GPC5: variants seen among roughly 807,000 people sequenced by gnomAD.
GPC5 encodes glypican 5.
A neutral mutation model predicts 53.9 loss-of-function variants in GPC5; 47 were observed. The ratio of observed to expected loss-of-function variants is 0.87; its 90% CI spans 0.69 to 1.11. The LOEUF is 1.11. Ranked by LOEUF, GPC5 falls within the 50% of genes most tolerant of loss-of-function variation. The probability of loss-of-function intolerance (pLI) is 0.00; values close to 1 mark genes in which losing one functional copy is unlikely to be tolerated. For synonymous variants in GPC5, 286 were observed against 263.3 expected (o/e 1.09, Z -0.84); for missense variants, 748 against 713.1 (o/e 1.05, Z -0.56).
chr13:92,326,982 G>A (rs1268070561), intron 7 of GPC5, among the ~76,000 whole-genome samples: 3 of 151,906 alleles, frequency 2.0e-5, no homozygotes, highest in Non-Finnish European at 4.4e-5. Flanking sequence ...CTGCCTTCAC[G>A]TTTTCATCCT....
chr13:91,950,592 T>C lies in GPC5; in HGVS notation c.1401+42535T>C, dbSNP rs183607056. ...TTTTGAGGTTCAGTTTTCTCTTCCT[T>C]AAAGTTAGAATAAAAATACCAAATT... On this transcript the variant is annotated intron_variant, in intron 6 of 7. Coordinates refer to ENST00000377067, the MANE Select transcript of GPC5 (RefSeq NM_004466.6). Among the ~76,000 whole-genome samples, 5 of 152,242 alleles carry C rather than the reference T, an allele frequency of 3.3e-5. No individual in the cohort carries two copies. The East Asian group carries it at 9.7e-4, about 29-fold the overall frequency.
chr13:92,678,320 A>T (rs1887011869), intron 7 of GPC5, among the ~76,000 whole-genome samples: 1 of 152,184 alleles, frequency 6.6e-6, no homozygotes, highest in African/African-American at 2.4e-5. Context: ...TCCCCAAAAC[A>T]CTTACTGATT....
intron 7 of GPC5, among the ~76,000 whole-genome samples, chr13:92,693,941 A>G (rs548639602): frequency 7.9e-4 from 121 of 152,316 alleles, no homozygotes; most frequent in Non-Finnish European, 1.6e-3. Context: ...TTCATGGGTC[A>G]GGCCCAGGGC....
intron 2 of GPC5, among the ~76,000 whole-genome samples, chr13:91,493,860 C>G: frequency 6.6e-6 from 1 of 151,490 alleles, no homozygotes; most frequent in East Asian, 1.9e-4. Flanking sequence ...TTGCCTGTAT[C>G]TGTTATATGC....
chr13:91,696,379 C>A (rs1399811891), intron 3 of GPC5, among the ~76,000 whole-genome samples: 1 of 152,030 alleles, frequency 6.6e-6, no homozygotes, highest in Non-Finnish European at 1.5e-5. Flanking sequence ...CTAAATAAAA[C>A]AACTGAGTCC....
chr13:92,074,279 A>G (rs1321897479), intron 6 of GPC5, among the ~76,000 whole-genome samples: 2 of 152,210 alleles, frequency 1.3e-5, no homozygotes, highest in Non-Finnish European at 2.9e-5. Context: ...TGAAAGTTGG[A>G]TACCACAGCT....
chr13:91,497,232 AC>A (rs1726229291), intron 2 of GPC5, among the ~76,000 whole-genome samples: 1 of 152,112 alleles, frequency 6.6e-6, no homozygotes, highest in South Asian at 2.1e-4. Flanking sequence ...GTCCAAACAA[AC>A]TTGATTTAAA....
chr13:92,386,469 A>C (rs9589533), intron 7 of GPC5, among the ~76,000 whole-genome samples: 7,733 of 152,114 alleles, frequency 0.051, 629 homozygotes, highest in African/African-American at 0.17. Context: ...CAAGTCATGC[A>C]TAAATCTCTA....
intron 7 of GPC5, among the ~76,000 whole-genome samples, chr13:92,399,754 C>T (rs759999048): frequency 3.3e-5 from 5 of 152,158 alleles, no homozygotes; most frequent in Non-Finnish European, 5.9e-5. Flanking sequence ...AAGACTTATT[C>T]GTGTCTATCG....
intron 6 of GPC5, among the ~76,000 whole-genome samples, chr13:92,003,630 G>A (rs1021959593): frequency 2.6e-5 from 4 of 151,834 alleles, no homozygotes; most frequent in South Asian, 2.1e-4. Flanking sequence ...TGTTTTAATC[G>A]GTTCAACTAG....
chr13:92,012,686 T>A (rs1321634918), intron 6 of GPC5, among the ~76,000 whole-genome samples: 1 of 152,244 alleles, frequency 6.6e-6, no homozygotes, highest in Non-Finnish European at 1.5e-5. Context: ...TGGATTCCAA[T>A]CTATGAATTG....
intron 6 of GPC5, among the ~76,000 whole-genome samples, chr13:92,094,255 G>A (rs562079685): frequency 6.6e-6 from 1 of 152,010 alleles, no homozygotes; most frequent in African/African-American, 2.4e-5. Context: ...GGTGGCTCAC[G>A]CCTGTTTTCC....
intron 2 of GPC5, among the ~76,000 whole-genome samples, chr13:91,661,997 C>T (rs2034998484): frequency 6.6e-6 from 1 of 152,098 alleles, no homozygotes; most frequent in Non-Finnish European, 1.5e-5. Context: ...CTAGACATGT[C>T]TAGAGTTCAG....
intron 7 of GPC5, among the ~76,000 whole-genome samples, chr13:92,843,634 G>A (rs1054578727): frequency 5.3e-5 from 8 of 152,120 alleles, no homozygotes; most frequent in African/African-American, 1.9e-4. Flanking sequence ...GCAGGATGTG[G>A]CTCTGCATTT....
intron 7 of GPC5, among the ~76,000 whole-genome samples, chr13:92,230,658 C>T (rs1050974741): frequency 6.6e-6 from 1 of 152,042 alleles, no homozygotes; most frequent in East Asian, 1.9e-4. Context: ...GTAGCAAACT[C>T]GAGATATAGC....
chr13:92,296,861 C>A (rs1035188099), intron 7 of GPC5, among the ~76,000 whole-genome samples: 3 of 152,220 alleles, frequency 2.0e-5, no homozygotes, highest in African/African-American at 7.2e-5. Context: ...GGCCCACTGG[C>A]GCTGTGCTCG....
chr13:91,556,382 C>T (rs1404112377), intron 2 of GPC5, among the ~76,000 whole-genome samples: 2 of 151,846 alleles, frequency 1.3e-5, no homozygotes, highest in African/African-American at 2.4e-5. Flanking sequence ...TACTGGGTAT[C>T]TACTCAGAGG....
chr13:91,550,621 A>G (rs1372619997), intron 2 of GPC5, among the ~76,000 whole-genome samples: 1 of 152,170 alleles, frequency 6.6e-6, no homozygotes, highest in Non-Finnish European at 1.5e-5. Context: ...GTGAATGGGC[A>G]CATCAGAATT....
intron 2 of GPC5, among the ~76,000 whole-genome samples, chr13:91,496,022 CA>C (rs201936956): frequency 1.4e-5 from 2 of 147,834 alleles, no homozygotes; most frequent in East Asian, 2.0e-4. Flanking sequence ...GACTCTGTCT[CA>C]AAAAAAATAA....
Sources: gnomAD v4.1 joint callset for allele counts (sites outside exome capture counted in the v4.1 genomes callset) on GRCh38, gnomAD v4.1.1 for gene constraint, MANE v1.5 for transcripts, NCBI Gene and HGNC (gene_info 2026-07-23, HGNC 2026-07-21) for gene names.